The following RSU1 variants were observed in gnomAD, a reference collection of about 807,000 sequenced individuals.
RSU1 encodes rsu-1.
A neutral mutation model predicts 31.1 loss-of-function variants in RSU1; 26 were observed. That is an observed-to-expected ratio of 0.84 (90% CI 0.61 to 1.16). RSU1 has a LOEUF of 1.16. Among genes scored for constraint, RSU1 ranks in the 50% most tolerant of loss-of-function variants. RSU1 has a pLI of 0.00. For missense variants in RSU1, 320 were observed against 339.1 expected, an observed-to-expected ratio of 0.94 and a Z score of 0.44; for synonymous variants, 164 against 136.3, an observed-to-expected ratio of 1.20 and a Z score of -1.41.
chr10:16,736,424 C>T (rs1301649812), intron 7 of RSU1, among the ~76,000 whole-genome samples: 1 of 151,972 alleles, frequency 6.6e-6, no homozygotes, highest in Non-Finnish European at 1.5e-5. Context: ...TCCCAGAAGT[C>T]TTAAGATTAG....
chr10:16,797,771 A>C (rs984789552), intron 2 of RSU1, among the ~76,000 whole-genome samples: 1 of 152,194 alleles, frequency 6.6e-6, no homozygotes, highest in African/African-American at 2.4e-5. Flanking sequence ...TTCAGAAATG[A>C]AAGCTAAATT....
rs1833521419 is a variant in RSU1, at chr10:16,592,351, A to G, written c.*1043T>C. On this transcript the variant is annotated 3_prime_UTR_variant, in exon 9 of 9. Coordinates refer to ENST00000345264, the MANE Select transcript of RSU1 (RefSeq NM_012425.4). ...GAGCACAAAACCTCAGCTTGCATTT[A>G]TTTTGATTTTCGTAGGTATCACTGT... is the stretch of plus-strand genomic sequence containing the variant. 6.6e-6 allele frequency: 1 copy of G among 152,106 alleles called. No homozygotes were observed. The highest frequency in any genetic ancestry group is 1.5e-5 in the Non-Finnish European group (1 of 68,032). The allele number at this position is 152,106 out of a possible 1,614,324, so 9.4% of individuals were successfully genotyped here.
chr10:16,796,175 T>C (rs1838028537), intron 2 of RSU1, among the ~76,000 whole-genome samples: 2 of 152,160 alleles, frequency 1.3e-5, no homozygotes, highest in Non-Finnish European at 1.5e-5. Context: ...TTTGGTCTCG[T>C]AGGCAGCTCA....
At chr10:16,657,045 C>T (rs1032510161) in intron 8 of RSU1, among the ~76,000 whole-genome samples, 4 of 152,068 alleles carry the variant, frequency 2.6e-5, no homozygotes, top group Admixed American at 6.5e-5. Flanking sequence ...TTCTTTATTC[C>T]GCAGAGATTT....
chr10:16,805,078 G>C (rs1369245428), intron 2 of RSU1, among the ~76,000 whole-genome samples: 1 of 152,140 alleles, frequency 6.6e-6, no homozygotes, highest in Admixed American at 6.5e-5. Flanking sequence ...GCGCCTGCCT[G>C]TAATCCCAGC....
chr10:16,626,663 C>T (rs1274326340), intron 8 of RSU1, among the ~76,000 whole-genome samples: 2 of 152,180 alleles, frequency 1.3e-5, no homozygotes, highest in Non-Finnish European at 2.9e-5. Context: ...TTTGGGGAAA[C>T]TACTGAAGCT....
chr10:16,777,968 T>C lies in RSU1; in HGVS notation c.160+4066A>G, dbSNP rs544656270. ...CACAGCCCATCATTCCTTGGCTCTA[T>C]GATTGTAAAGATGAGATGGCCATCA... On this transcript the variant is annotated intron_variant, in intron 3 of 8. Transcript: ENST00000345264. Among the ~76,000 whole-genome samples the C allele has an allele frequency of 3.3e-5, 5 of 151,838 alleles. No homozygotes were observed. In the East Asian group the frequency reaches 7.7e-4, roughly 24 times the overall value.
At chr10:16,703,676 T>A (rs1835839817) in intron 7 of RSU1, among the ~76,000 whole-genome samples, 2 of 152,154 alleles carry the variant, frequency 1.3e-5, no homozygotes, top group Admixed American at 6.5e-5. Context: ...ATATTGAAGG[T>A]CAAAATGAAG....
chr10:16,681,707 T>C (rs1474353120), intron 8 of RSU1, among the ~76,000 whole-genome samples: 1 of 152,152 alleles, frequency 6.6e-6, no homozygotes, highest in Admixed American at 6.5e-5. Flanking sequence ...GTGGGTGGGA[T>C]GAGGTCATTT....
intron 8 of RSU1, among the ~76,000 whole-genome samples, chr10:16,686,684 A>C (rs1358823295): frequency 6.6e-6 from 1 of 152,128 alleles, no homozygotes; most frequent in Admixed American, 6.5e-5. Context: ...GTCAACAATC[A>C]AGTGAGGGGG....
At chr10:16,750,044 C>T (rs1488206653) in intron 7 of RSU1, among the ~76,000 whole-genome samples, 1 of 152,166 alleles carries the variant, frequency 6.6e-6, no homozygotes. Flanking sequence ...GTGTCCTCAT[C>T]TTTAAAAAGT....
intron 8 of RSU1, among the ~76,000 whole-genome samples, chr10:16,605,696 A>G (rs541621187): frequency 1.4e-4 from 22 of 152,346 alleles, no homozygotes; most frequent in Non-Finnish European, 2.9e-4. Flanking sequence ...TGTGCTGTGC[A>G]GACCGAGGCA....
intron 8 of RSU1, among the ~76,000 whole-genome samples, chr10:16,671,717 C>T (rs1356817389): frequency 6.6e-6 from 1 of 151,870 alleles, no homozygotes; most frequent in East Asian, 2.0e-4. Flanking sequence ...CCTCCACCTC[C>T]CAGGTTCAAG....
At chr10:16,809,648 C>G (rs921744) in intron 2 of RSU1, among the ~76,000 whole-genome samples, 3 of 151,952 alleles carry the variant, frequency 2.0e-5, no homozygotes, top group African/African-American at 7.3e-5. Context: ...GAGGTCTTTA[C>G]GCTGAATTAA....
chr10:16,774,111 A>C (rs1283136722), intron 3 of RSU1, among the ~76,000 whole-genome samples: 2 of 152,092 alleles, frequency 1.3e-5, no homozygotes, highest in African/African-American at 2.4e-5. Context: ...AAAAAAAAAA[A>C]AACTGCATAT....
chr10:16,708,998 G>GTT (rs35261569), intron 7 of RSU1, among the ~76,000 whole-genome samples: 7 of 142,716 alleles, frequency 4.9e-5, no homozygotes, highest in Non-Finnish European at 6.2e-5. Context: ...GAGTCCTTTG[G>GTT]TTTTTTTTTT....
At chr10:16,692,655 T>A (rs73604815) in intron 8 of RSU1, among the ~76,000 whole-genome samples, 2,187 of 152,264 alleles carry the variant, frequency 0.014, 52 homozygotes, top group African/African-American at 0.05. Flanking sequence ...AGATAAACAA[T>A]CATCTGCTAA....
At chr10:16,813,377 C>T (rs1010466676) in intron 2 of RSU1, among the ~76,000 whole-genome samples, 4 of 152,178 alleles carry the variant, frequency 2.6e-5, no homozygotes, top group Non-Finnish European at 5.9e-5. Context: ...AAATGCCTTA[C>T]CCAGTCGAGT....
chr10:16,632,657 G>C (rs1337666881), intron 8 of RSU1, among the ~76,000 whole-genome samples: 1 of 152,140 alleles, frequency 6.6e-6, no homozygotes, highest in Non-Finnish European at 1.5e-5. Context: ...CCTAAAGACA[G>C]GCCGAGTGTG....
Sources: allele counts gnomAD v4.1 joint callset (sites outside exome capture counted in the v4.1 genomes callset), GRCh38; gene constraint gnomAD v4.1.1; transcripts MANE v1.5; gene names NCBI Gene and HGNC (gene_info 2026-07-23, HGNC 2026-07-21).